CFAP92: variants seen among roughly 807,000 people sequenced by gnomAD.
CFAP92 encodes the protein uncharacterized protein CFAP92.
Under a neutral mutation model 106.3 loss-of-function variants are expected in CFAP92, and 86 were observed. That is an observed-to-expected ratio of 0.81 (90% CI 0.68 to 0.97). The LOEUF (loss-of-function observed/expected upper bound fraction) is 0.97. CFAP92 is among the 50% of genes least tolerant of loss of function. The pLI is 0.00. For synonymous variants in CFAP92, 477 were observed against 506.4 expected, an observed-to-expected ratio of 0.94 and a Z score of 0.78; for missense variants, 1,204 against 1,283.8, an observed-to-expected ratio of 0.94 and a Z score of 0.95.
intron 10 of CFAP92, among the ~76,000 whole-genome samples, chr3:128,943,537 CTT>C (rs113886968): frequency 6.8e-6 from 1 of 146,208 alleles, no homozygotes. Context: ...TATTTCATTT[CTT>C]TTTTTTTTTT....
chr3:128,989,384 C>A (rs1944072933), intron 2 of CFAP92, among the ~76,000 whole-genome samples: 1 of 135,190 alleles, frequency 7.4e-6, no homozygotes, highest in Admixed American at 7.3e-5. Flanking sequence ...GAGGAGAAAA[C>A]TCTGCATGGG....
chr3:128,944,979 G>C, intron 10 of CFAP92, 92 bp downstream of exon 10: 1 of 1,132,642 alleles, frequency 8.8e-7, no homozygotes, highest in East Asian at 2.6e-5. Flanking sequence ...AGACAAGGAT[G>C]CTAAACCTAG....
chr3:128,910,306 A>G lies in CFAP92; in HGVS notation c.3308T>C (p.Ile1103Thr). ...TGGGAGGGTCTGTGCTGCTCAGGAG[A>G]TGGGGCTGTTCCCTTTCTTCTTCCT... ...TVRKKKGNSP[I>T]S Residue 1103 changes from isoleucine to threonine, a missense_variant, in exon 16 of 16, where the codon ATC (isoleucine) becomes ACC (threonine). Transcript: ENST00000645291. The G allele has an allele frequency of 6.7e-7, 1 of 1,494,852 alleles. No homozygotes were observed. Among genetic ancestry groups the G allele is most frequent in the South Asian group, 1.3e-5 (1 of 76,754 alleles). The allele number at this position is 1,494,852 out of a possible 1,614,324, so 92.6% of individuals were successfully genotyped here. A position where few individuals can be genotyped will look rare whatever the true frequency, so the allele number is the denominator to read the frequency against.
chr3:128,944,212 C>T (rs565229530), intron 10 of CFAP92, among the ~76,000 whole-genome samples: 81 of 152,200 alleles, frequency 5.3e-4, no homozygotes, highest in Admixed American at 4.2e-3. Flanking sequence ...GGATTACAGG[C>T]GTGAGCTACT....
intron 12 of CFAP92, among the ~76,000 whole-genome samples, chr3:128,928,779 CAT>C (rs149272412): frequency 0.07 from 10,685 of 151,986 alleles, 943 homozygotes; most frequent in African/African-American, 0.21. Context: ...ACAGAAAAAA[CAT>C]AAATTGGAAT....
intron 10 of CFAP92, among the ~76,000 whole-genome samples, chr3:128,943,914 T>TCC (rs56857847): frequency 2.9e-5 from 4 of 137,164 alleles, no homozygotes; most frequent in African/African-American, 8.7e-5. Context: ...TTGGGTTATT[T>TCC]CCCCCGTTTT....
chr3:128,949,002 A>G (rs1210244434), intron 9 of CFAP92, among the ~76,000 whole-genome samples: 1 of 152,200 alleles, frequency 6.6e-6, no homozygotes, highest in East Asian at 1.9e-4. Flanking sequence ...ACAAATTAAA[A>G]CCATGATATG....
intron 9 of CFAP92, among the ~76,000 whole-genome samples, chr3:128,961,438 C>G (rs1941910938): frequency 6.6e-6 from 1 of 152,118 alleles, no homozygotes; most frequent in South Asian, 2.1e-4. Flanking sequence ...TCCTCAGCCT[C>G]CGCTCCTCCA....
chr3:128,943,914 T>TCCCC (rs56857847), intron 10 of CFAP92, among the ~76,000 whole-genome samples: 4,138 of 137,074 alleles, frequency 0.03, 239 homozygotes, highest in African/African-American at 0.11. Context: ...TTGGGTTATT[T>TCCCC]CCCCCGTTTT....
At chr3:128,998,438 G>A (rs753753233), upstream of CFAP92, among the ~76,000 whole-genome samples, 1 of 151,982 alleles carries the variant, frequency 6.6e-6, no homozygotes, top group Non-Finnish European at 1.5e-5. Flanking sequence ...TACTAACCAA[G>A]ACCCCTAAAA....
Position 128,932,821 on chromosome 3 carries a change from T to G in CFAP92, c.2630A>C (p.Glu877Ala), listed in dbSNP as rs1294040487. Residue 877 changes from glutamate to alanine, a missense_variant, in exon 12 of 16, where the codon GAG becomes GCG. Coordinates refer to ENST00000645291, the MANE Select transcript of CFAP92 (RefSeq NM_001394090.1). ...ALPPQPAPNL[E>A]DYHSRNSTLT... is the part of the protein sequence containing the mutation. ...GGTGGAGTTCCGACTGTGGTAGTCC[T>G]CAAGATTGGGGGCAGGCTGAGGTGG... is the stretch of plus-strand genomic sequence containing the variant. The G allele has an allele frequency of 6.5e-7, 1 of 1,536,244 alleles. No individual in the cohort carries two copies. Among genetic ancestry groups the G allele is most frequent in the East Asian group, 2.4e-5 (1 of 40,928 alleles).
At chr3:128,987,525 G>A in intron 4 of CFAP92, 91 bp downstream of exon 4, 1 of 1,145,724 alleles carries the variant, frequency 8.7e-7, no homozygotes, top group African/African-American at 1.5e-5. Context: ...ATGCCAATTA[G>A]ATGAAGGAAA....
chr3:128,964,256 G>C (rs1158311891), intron 9 of CFAP92, among the ~76,000 whole-genome samples: 1 of 152,128 alleles, frequency 6.6e-6, no homozygotes, highest in Non-Finnish European at 1.5e-5. Context: ...AACTTAAAAA[G>C]GACTGGACAA....
intron 12 of CFAP92, among the ~76,000 whole-genome samples, chr3:128,926,711 C>T (rs1432623511): frequency 6.6e-6 from 1 of 152,184 alleles, no homozygotes; most frequent in Non-Finnish European, 1.5e-5. Context: ...TAAACCCCAG[C>T]CTGGCTCTAT....
the CFAP92 span, among the ~76,000 whole-genome samples, chr3:129,011,380 G>A: frequency 1.3e-5 from 2 of 151,994 alleles, no homozygotes; most frequent in African/African-American, 2.4e-5. Flanking sequence ...GTGAAACCCC[G>A]TCTCTACTAA....
chr3:128,935,420 C>G, intron 10 of CFAP92, 101 bp from the exon 11 acceptor site: 2 of 763,738 alleles, frequency 2.6e-6, no homozygotes, highest in Non-Finnish European at 3.9e-6. Flanking sequence ...TATTTAAAAA[C>G]AAACCCAGGG....
chr3:129,002,104 C>T (rs1944804878), intron 1 of CFAP92: 9 of 1,490,144 alleles, frequency 6.0e-6, no homozygotes, highest in Non-Finnish European at 8.0e-6. Flanking sequence ...CGTGCGGGGC[C>T]CCGGCTGCCC....
chr3:128,948,236 C>T (rs1319740765), intron 9 of CFAP92, among the ~76,000 whole-genome samples: 2 of 151,946 alleles, frequency 1.3e-5, no homozygotes, highest in Non-Finnish European at 2.9e-5. Context: ...TCTGTTGCCC[C>T]GGGCTGGAGT....
intron 10 of CFAP92, among the ~76,000 whole-genome samples, chr3:128,942,682 T>TA (rs1408786554): frequency 6.6e-6 from 1 of 151,624 alleles, no homozygotes; most frequent in African/African-American, 2.4e-5. Flanking sequence ...ACTCAATCTT[T>TA]TTTTTTTTTT....
Sources: allele counts gnomAD v4.1 joint callset (sites outside exome capture counted in the v4.1 genomes callset), GRCh38; gene constraint gnomAD v4.1.1; transcripts MANE v1.5; gene names NCBI Gene and HGNC (gene_info 2026-07-23, HGNC 2026-07-21).